The following ACAP3 variants were observed in gnomAD, a reference collection of about 807,000 sequenced individuals.
ACAP3 encodes the protein arf-GAP with coiled-coil, ANK repeat and PH domain-containing protein 3.
In ACAP3, 56 loss-of-function variants were observed where a neutral mutation model predicts 104.1. The observed-to-expected ratio is 0.54, with a 90% CI of 0.43 to 0.67. The LOEUF (loss-of-function observed/expected upper bound fraction) is 0.67. Among genes scored for constraint, ACAP3 ranks in the 30% least tolerant of loss-of-function variants. The pLI, the probability that ACAP3 is intolerant of heterozygous loss-of-function variation, is 0.00. For missense variants in ACAP3, 1,208 were observed against 1,174.9 expected (o/e 1.03, Z -0.41); for synonymous variants, 628 against 496.2 (o/e 1.27, Z -3.53).
In ACAP3 at chr1:1,307,894, C is replaced by A; in HGVS notation, c.-79G>T. On this transcript the variant is annotated 5_prime_UTR_variant, in exon 1 of 24. Coordinates refer to ENST00000354700, the MANE Select transcript of ACAP3 (RefSeq NM_030649.3). Reference sequence around the variant, plus strand: ...GCCGCGCCGGCCCGGACCGCTCGTCCCGCCCGCGCCGCCTCGGCGCCCGCC... The same window carrying A: ...GCCGCGCCGGCCCGGACCGCTCGTCACGCCCGCGCCGCCTCGGCGCCCGCC... The A allele has an allele frequency of 1.2e-6, 1 of 826,876 alleles. No homozygotes were observed. Among genetic ancestry groups the A allele is most frequent in the South Asian group, 5.3e-5 (1 of 18,994 alleles). The allele number at this position is 826,876 out of a possible 1,614,324, so 51.2% of individuals were successfully genotyped here. A position where few individuals can be genotyped will look rare whatever the true frequency, so the allele number is the denominator to read the frequency against.
intron 4 of ACAP3, 51 bp downstream of exon 4, chr1:1,302,871 C>G (rs766958784): frequency 7.7e-6 from 12 of 1,566,290 alleles, no homozygotes; most frequent in Admixed American, 1.7e-5. Flanking sequence ...GCCAGCGCAG[C>G]TCGGTTCCAG....
chr1:1,293,780 C>CCCTGGAGGCCCCGCCCCTGT (rs1640964224), intron 23 of ACAP3, 43 bp downstream of exon 23: 1 of 1,536,458 alleles, frequency 6.5e-7, no homozygotes, highest in South Asian at 1.2e-5. Flanking sequence ...CCCGCCCCTG[C>CCCTGGAGGCCCCGCCCCTGT]CCTGGAGGCC....
chr1:1,307,089 T>C (rs1037622724), intron 1 of ACAP3: 1 of 986,554 alleles, frequency 1.0e-6, no homozygotes, highest in African/African-American at 1.7e-5. Context: ...TGCAGAGAGG[T>C]TTCTTTGCCT....
chr1:1,293,335 G>A lies in ACAP3; in HGVS notation c.*229C>T, dbSNP rs1031256368. ...CAGAGGTTCCCCAGGTGGGGTGAGG[G>A]ACACCCGACGATGCAGCACCCCCCC... On this transcript the variant is annotated 3_prime_UTR_variant, in exon 24 of 24. Coordinates refer to ENST00000354700, the MANE Select transcript of ACAP3 (RefSeq NM_030649.3). The A allele has an allele frequency of 2.9e-5, 10 of 341,058 alleles. No homozygotes were observed. Among genetic ancestry groups the A allele is most frequent in the Non-Finnish European group, 4.5e-5 (9 of 198,550 alleles). The allele number at this position is 341,058 out of a possible 1,614,324, so 21.1% of individuals were successfully genotyped here.
At position 1,297,803 on chromosome 1, in the gene ACAP3, G is replaced by A. The variant is rs752474471; in HGVS notation, c.1128+19C>T. ...CGTGTGTGTGCACGGGCTTGGGGCA[G>A]GGGCACCAAGGGCCACACCTCGCTA... On this transcript the variant is annotated intron_variant, in intron 14 of 23. Transcript: ENST00000354700. The A allele has an allele frequency of 6.2e-7, 1 of 1,607,180 alleles. No homozygotes were observed. Among genetic ancestry groups the A allele is most frequent in the Non-Finnish European group, 8.5e-7 (1 of 1,176,196 alleles).
rs1330277263 is a variant in ACAP3, at chr1:1,305,788, C to T, written c.48-1645G>A. Reference sequence around the variant, plus strand: ...CCACCCAGGGGAGGGGCACACTGAACAGAGGCCAGGCGGTTCCCCTACACG... The same window carrying T: ...CCACCCAGGGGAGGGGCACACTGAATAGAGGCCAGGCGGTTCCCCTACACG... On this transcript the variant is annotated intron_variant, in intron 1 of 23. Transcript: ENST00000354700. 2.0e-5 allele frequency: 3 copies of T among 152,412 alleles called. No individual in the cohort carries two copies. The East Asian group carries it at 5.8e-4, about 29-fold the overall frequency. The allele number at this position is 152,412 out of a possible 1,614,324, so 9.4% of individuals were successfully genotyped here.
In ACAP3 at chr1:1,303,434, G is replaced by A. The variant is rs898983167; in HGVS notation, c.106-153C>T. The A allele has an allele frequency of 1.8e-5, 16 of 865,640 alleles. No individual in the cohort carries two copies. Among genetic ancestry groups the A allele is most frequent in the South Asian group, 1.6e-4 (9 of 57,610 alleles). The allele number at this position is 865,640 out of a possible 1,614,324, so 53.6% of individuals were successfully genotyped here. A position where few individuals can be genotyped will look rare whatever the true frequency, so the allele number is the denominator to read the frequency against. Reference sequence around the variant, plus strand: ...CAGTGCCCCGGTGCAGCTTCCTCACGCCTGGGCCTGCCTGGGGCTTGGAGG... The same window carrying A: ...CAGTGCCCCGGTGCAGCTTCCTCACACCTGGGCCTGCCTGGGGCTTGGAGG... On this transcript the variant is annotated intron_variant, in intron 2 of 23. Coordinates refer to ENST00000354700, the MANE Select transcript of ACAP3 (RefSeq NM_030649.3). This position sits in a 1 kb window ranked among gnomAD's most constrained non-coding sequence, Gnocchi z 4.0.
In ACAP3 at chr1:1,302,979, G is replaced by A. The variant is rs1057090502; in HGVS notation, c.226-4C>T. 1 of 1,610,192 alleles carries A rather than the reference G, an allele frequency of 6.2e-7. No individual in the cohort carries two copies. On this transcript the variant is annotated splice_region_variant and splice_polypyrimidine_tract_variant and intron_variant, in intron 3 of 23. Coordinates refer to ENST00000354700, the MANE Select transcript of ACAP3 (RefSeq NM_030649.3). ...CAGCGAACCTCTGCAGACATTCCTGGAGGAGCAGATGGGAACCCGTGCTGA... is the reference window on the plus strand; with the variant it reads ...CAGCGAACCTCTGCAGACATTCCTGAAGGAGCAGATGGGAACCCGTGCTGA...
At chr1:1,301,814 G>T (rs1641458398) in intron 5 of ACAP3, 174 bp downstream of exon 5, 1 of 513,536 alleles carries the variant, frequency 1.9e-6, no homozygotes, top group Non-Finnish European at 3.3e-6. Flanking sequence ...TGCAGGGTGT[G>T]GAACCCCCCG....
intron 17 of ACAP3, 23 bp downstream of exon 17, chr1:1,295,992 A>C: frequency 3.1e-6 from 5 of 1,612,722 alleles, no homozygotes; most frequent in Non-Finnish European, 4.2e-6. Flanking sequence ...TCCCTGACTG[A>C]TCCAGACTGT....
chr1:1,296,742 AGCACACGCCC>A (rs1012088186), intron 14 of ACAP3, 109 bp from the exon 15 acceptor site: 14 of 1,197,556 alleles, frequency 1.2e-5, no homozygotes, highest in African/African-American at 7.5e-5. Context: ...GGGCCCCTCG[AGCACACGCCC>A]GCACACGCAC....
In ACAP3 at chr1:1,292,502, C is replaced by G. The variant is rs949348390; in HGVS notation, c.*1062G>C. The G allele has an allele frequency of 6.6e-6, 1 of 152,478 alleles. No individual in the cohort carries two copies. Among genetic ancestry groups the G allele is most frequent in the African/African-American group, 2.4e-5 (1 of 41,458 alleles). 9.4% of individuals were successfully genotyped at this position (152,478 alleles called of 1,614,324 possible). A position where few individuals can be genotyped will look rare whatever the true frequency, so the allele number is the denominator to read the frequency against. ...ACAGGGAGAGGGGCAAGAATCAATT[C>G]TGTTCTTCAGGGTCACAGGCAGCAG... is the stretch of plus-strand genomic sequence containing the variant. On this transcript the variant is annotated 3_prime_UTR_variant, in exon 24 of 24. Coordinates refer to ENST00000354700, the MANE Select transcript of ACAP3 (RefSeq NM_030649.3).
chr1:1,298,075 G>A lies in ACAP3; in HGVS notation c.954C>T (p.Cys318=). 1 of 1,610,534 alleles carries A rather than the reference G, an allele frequency of 6.2e-7. No individual in the cohort carries two copies. The highest frequency in any genetic ancestry group is 8.5e-7 in the Non-Finnish European group (1 of 1,178,954). Residue 318 remains cysteine, a synonymous_variant, in exon 13 of 24, where the codon TGC becomes TGT. Transcript: ENST00000354700. ...LTVVVDDLRL[C]SVKPCEDIER... ...CGATGTCCTCACACGGCTTCACAGAGCACAGGCGGAGGTCATCCACCACCA... is the reference window on the plus strand; with the variant it reads ...CGATGTCCTCACACGGCTTCACAGAACACAGGCGGAGGTCATCCACCACCA...
chr1:1,295,788 G>A lies in ACAP3; in HGVS notation c.1653C>T (p.Arg551=). The part of the protein sequence containing the change: ...PHSSPRAPTA[R]RKVRLEPVLP... ...GAACGGGCTCAAGCCGGACCTTGCG[G>A]CGGGCAGTGGGAGCGCGGGGAGAGC... Residue 551 remains arginine, a synonymous_variant, in exon 18 of 24, where the codon CGC becomes CGT. Coordinates refer to ENST00000354700, the MANE Select transcript of ACAP3 (RefSeq NM_030649.3). 6.2e-7 allele frequency: 1 copy of A among 1,609,026 alleles called. No homozygotes were observed. The highest frequency in any genetic ancestry group is 8.5e-7 in the Non-Finnish European group (1 of 1,179,686).
At chr1:1,299,655 G>T in intron 9 of ACAP3, 176 bp downstream of exon 9, 8 of 796,664 alleles carry the variant, frequency 1.0e-5, no homozygotes, top group Non-Finnish European at 1.6e-5. Flanking sequence ...CCACCCACAC[G>T]TGCCCCTCCA....
At chr1:1,295,690 G>T in intron 18 of ACAP3, 46 bp downstream of exon 18, 1 of 1,565,044 alleles carries the variant, frequency 6.4e-7, no homozygotes, top group South Asian at 1.2e-5. Flanking sequence ...GTCCATCCCC[G>T]ACCAAGGCAA....
chr1:1,293,758 T>TGCCCTGGAGGCCCCGCCCCA, intron 23 of ACAP3, 50 bp from the exon 24 acceptor site: 2 of 1,461,940 alleles, frequency 1.4e-6, no homozygotes, highest in Non-Finnish European at 9.0e-7. Context: ...GCCCCGCCCC[T>TGCCCTGGAGGCCCCGCCCCA]GCCCTGGAGG....
intron 4 of ACAP3, among the ~76,000 whole-genome samples, 171 bp from the exon 5 acceptor site, chr1:1,302,217 T>C (rs1641475113): frequency 6.6e-6 from 1 of 151,938 alleles, no homozygotes; most frequent in African/African-American, 2.4e-5. Context: ...CAGGCCTGAG[T>C]TGGCACTCAG....
Position 1,293,402 on chromosome 1 carries a change from G to C in ACAP3, c.*162C>G. On this transcript the variant is annotated 3_prime_UTR_variant, in exon 24 of 24. Transcript: ENST00000354700. The stretch of plus-strand genomic sequence containing the variant: ...TCAAGAGACTCAGTGTGGGGCCCTC[G>C]CTCTCCTCCTGGGCGAGCAGGGCCG... The C allele has an allele frequency of 1.5e-6, 1 of 656,716 alleles. No homozygotes were observed. The highest frequency in any genetic ancestry group is 2.1e-6 in the Non-Finnish European group (1 of 471,146). 40.7% of individuals were successfully genotyped at this position (656,716 alleles called of 1,614,324 possible).
Sources: gnomAD v4.1 joint callset for allele counts (sites outside exome capture counted in the v4.1 genomes callset) on GRCh38, gnomAD v4.1.1 for gene constraint, Gnocchi (gnomAD v3.1) non-coding constraint, MANE v1.5 for transcripts, NCBI Gene and HGNC (gene_info 2026-07-23, HGNC 2026-07-21) for gene names.